USP3: variants seen among roughly 807,000 people sequenced by gnomAD.
USP3 encodes the protein ubiquitin carboxyl-terminal hydrolase 3.
Under a neutral mutation model 72.3 loss-of-function variants are expected in USP3, and 20 were observed. That is an observed-to-expected ratio of 0.28 (90% CI 0.19 to 0.40). USP3 has a LOEUF of 0.40. Ranked by LOEUF, USP3 falls within the 10% of genes least tolerant of loss-of-function variation. The probability of loss-of-function intolerance (pLI) is 1.00; values close to 1 mark genes in which losing one functional copy is unlikely to be tolerated. For synonymous variants in USP3, 222 were observed against 225.3 expected (o/e 0.99, Z 0.13); for missense variants, 479 against 633.9 (o/e 0.76, Z 2.62).
At chr15:63,547,888 G>GAGAGAGAGAGAGGCATAGAGGCAT (rs1555446525) in intron 3 of USP3, among the ~76,000 whole-genome samples, 1 of 73,236 alleles carries the variant, frequency 1.4e-5, no homozygotes, top group Non-Finnish European at 2.9e-5. Context: ...GAGAGAGAGA[G>GAGAGAGAGAGAGGCATAGAGGCAT]AGAGAGAGGC....
chr15:63,590,900 G>T lies in USP3; in HGVS notation c.*74G>T. 6.8e-7 allele frequency: 1 copy of T among 1,471,402 alleles called. No individual in the cohort carries two copies. Among genetic ancestry groups the T allele is most frequent in the Non-Finnish European group, 9.1e-7 (1 of 1,103,472 alleles). The allele number at this position is 1,471,402 out of a possible 1,614,324, so 91.1% of individuals were successfully genotyped here. On this transcript the variant is annotated 3_prime_UTR_variant, in exon 15 of 15. Coordinates refer to ENST00000380324, the MANE Select transcript of USP3 (RefSeq NM_006537.4). ...AGTTTTCCACAAATACTTGATACAA[G>T]ATTTAATTTCATTATGCACTTTTCA...
At chr15:63,522,984 G>A (rs17184753) in intron 1 of USP3, among the ~76,000 whole-genome samples, 18,813 of 152,132 alleles carry the variant, frequency 0.12, 1,581 homozygotes, top group South Asian at 0.19. Context: ...TTTTACCTGA[G>A]TGGCATTCTA....
intron 3 of USP3, among the ~76,000 whole-genome samples, chr15:63,538,239 T>C (rs968138233): frequency 2.6e-4 from 39 of 152,318 alleles, no homozygotes; most frequent in African/African-American, 8.7e-4. Context: ...TAGTAAATTA[T>C]GATGAACAAT....
At chr15:63,558,298 A>C in intron 6 of USP3, 110 bp downstream of exon 6, 1 of 1,201,884 alleles carries the variant, frequency 8.3e-7, no homozygotes, top group East Asian at 2.4e-5. Flanking sequence ...GGAGCAAGAT[A>C]CCTTAATTTC....
At position 63,588,203 on chromosome 15, in the gene USP3, TA is replaced by T; in HGVS notation, c.1097-101del. On this transcript the variant is annotated intron_variant, in intron 11 of 14. Transcript: ENST00000380324. The surrounding 1 kb of genome is among the most constrained non-coding windows in gnomAD (Gnocchi z 4.6). Reference sequence around the variant, plus strand: ...AAAGGTTAACTTTTCTAAGGTCGTATAGCTAATAAAGCTGAGATTTTAAACC... The same window carrying T: ...AAAGGTTAACTTTTCTAAGGTCGTATGCTAATAAAGCTGAGATTTTAAACC... The T allele has an allele frequency of 1.2e-6, 1 of 856,830 alleles. No homozygotes were observed. The highest frequency in any genetic ancestry group is 2.5e-5 in the East Asian group (1 of 39,354). 53.1% of individuals were successfully genotyped at this position (856,830 alleles called of 1,614,324 possible). A position where few individuals can be genotyped will look rare whatever the true frequency, so the allele number is the denominator to read the frequency against.
chr15:63,589,473 A>C (rs1595782380), intron 14 of USP3, among the ~76,000 whole-genome samples: 1 of 152,186 alleles, frequency 6.6e-6, no homozygotes, highest in Admixed American at 6.5e-5. Context: ...CTTCAAACTT[A>C]AGACTACTAT....
chr15:63,523,574 T>G (rs2065944943), intron 1 of USP3, among the ~76,000 whole-genome samples: 1 of 152,228 alleles, frequency 6.6e-6, no homozygotes, highest in Admixed American at 6.5e-5. Context: ...TAAAGGAATT[T>G]GGCTAGTTCA....
chr15:63,583,856 TTATC>T (rs2067006418), intron 11 of USP3, among the ~76,000 whole-genome samples: 1 of 152,208 alleles, frequency 6.6e-6, no homozygotes, highest in Non-Finnish European at 1.5e-5. Flanking sequence ...TACATTCTGT[TTATC>T]CATTCATCTG....
In USP3 at chr15:63,544,648, T is replaced by TGTAA; in HGVS notation, c.284+7493_284+7496dup. On this transcript the variant is annotated intron_variant, in intron 3 of 14. Coordinates refer to ENST00000380324, the MANE Select transcript of USP3 (RefSeq NM_006537.4). This position sits in a 1 kb window ranked among gnomAD's most constrained non-coding sequence, Gnocchi z 4.2. ...TCATTTTTGGAGAATGGGGGAAGAA[T>TGTAA]GTAAAGATGGAGATGACCGAATGAG... 1 of 699,298 alleles carries TGTAA rather than the reference T, an allele frequency of 1.4e-6. No homozygotes were observed. The highest frequency in any genetic ancestry group is 2.6e-6 in the Non-Finnish European group (1 of 383,416). 43.3% of individuals were successfully genotyped at this position (699,298 alleles called of 1,614,324 possible).
chr15:63,537,164 A>T lies in USP3; in HGVS notation c.284+8A>T, dbSNP rs368799536. 57 of 1,608,574 alleles carry T rather than the reference A, an allele frequency of 3.5e-5. No homozygotes were observed. In the African/African-American group the frequency reaches 4.8e-4, roughly 14 times the overall value. ...TAGCTACAGTACATACTGGTAAGTT[A>T]ACATTTTCTGGAAATGAGATTTCTT... On this transcript the variant is annotated splice_region_variant and intron_variant, in intron 3 of 14. Transcript: ENST00000380324.
chr15:63,508,605 G>C (rs1319066552), intron 1 of USP3, among the ~76,000 whole-genome samples: 1 of 152,156 alleles, frequency 6.6e-6, no homozygotes, highest in Non-Finnish European at 1.5e-5. Flanking sequence ...TTTGTTATGT[G>C]CACATACCAG....
At chr15:63,536,370 T>C (rs1419504652) in intron 2 of USP3, among the ~76,000 whole-genome samples, 1 of 151,826 alleles carries the variant, frequency 6.6e-6, no homozygotes, top group Non-Finnish European at 1.5e-5. Flanking sequence ...GCAGAGTCTA[T>C]GGCCCTGTGG....
intron 3 of USP3, among the ~76,000 whole-genome samples, chr15:63,546,022 G>A (rs1460315339): frequency 6.9e-6 from 1 of 145,008 alleles, no homozygotes; most frequent in Non-Finnish European, 1.5e-5. Context: ...TTCTTGAAGA[G>A]TCATTTAAAA....
At chr15:63,562,538 AAG>A (rs1340803183) in intron 7 of USP3, among the ~76,000 whole-genome samples, 5 of 152,160 alleles carry the variant, frequency 3.3e-5, no homozygotes, top group Non-Finnish European at 7.3e-5. Context: ...GAGGGGGAGA[AAG>A]AAAGCCGAAT....
intron 1 of USP3, among the ~76,000 whole-genome samples, chr15:63,524,258 A>T (rs1018533010): frequency 2.0e-5 from 3 of 152,228 alleles, no homozygotes; most frequent in Admixed American, 6.5e-5. Flanking sequence ...AGGGAGTAGT[A>T]TAGTCATTGG....
At chr15:63,506,700 G>A (rs1171538908) in intron 1 of USP3, among the ~76,000 whole-genome samples, 4 of 152,208 alleles carry the variant, frequency 2.6e-5, no homozygotes, top group Non-Finnish European at 5.9e-5. Flanking sequence ...GGAGCATAAC[G>A]AGATGTGCTG....
At position 63,570,355 on chromosome 15, in the gene USP3, G is replaced by A. The variant is rs1020259805; in HGVS notation, c.762-78G>A. The A allele has an allele frequency of 6.3e-6, 10 of 1,595,212 alleles. No individual in the cohort carries two copies. Among genetic ancestry groups the A allele is most frequent in the South Asian group, 2.2e-5 (2 of 89,426 alleles). On this transcript the variant is annotated intron_variant, in intron 8 of 14. Coordinates refer to ENST00000380324, the MANE Select transcript of USP3 (RefSeq NM_006537.4). The surrounding 1 kb of genome is among the most constrained non-coding windows in gnomAD (Gnocchi z 4.4). ...GCACGGGGCTGCCGTCCTTTTCCAC[G>A]CCTTGGCCTCTTGCTGGTGTGGCTG... is the stretch of plus-strand genomic sequence containing the variant.
chr15:63,586,620 G>C (rs2067069220), intron 11 of USP3: 1 of 152,190 alleles, frequency 6.6e-6, no homozygotes, highest in South Asian at 2.1e-4. Context: ...TGTAGGACTT[G>C]GGAGGCTCCT....
At position 63,593,551 on chromosome 15, in the gene USP3, T is replaced by TCA. The variant is rs2067241735; in HGVS notation, c.*2725_*2726insCA. On this transcript the variant is annotated 3_prime_UTR_variant, in exon 15 of 15. Coordinates refer to ENST00000380324, the MANE Select transcript of USP3 (RefSeq NM_006537.4). ...GGCAGAGTGGTCTTCAGACAGGTGA[T>TCA]GCTGTTGGCTTAAGAGATGAACACG... 6.6e-6 allele frequency: 1 copy of TCA among 152,260 alleles called. No individual in the cohort carries two copies. The highest frequency in any genetic ancestry group is 2.4e-5 in the African/African-American group (1 of 41,464). The allele number at this position is 152,260 out of a possible 1,614,324, so 9.4% of individuals were successfully genotyped here.
Sources: allele counts gnomAD v4.1 joint callset (sites outside exome capture counted in the v4.1 genomes callset), GRCh38; gene constraint gnomAD v4.1.1; non-coding constraint Gnocchi (gnomAD v3.1); transcripts MANE v1.5; gene names NCBI Gene and HGNC (gene_info 2026-07-23, HGNC 2026-07-21).